Variants in GK5 observed in about 807,000 individuals in gnomAD.
GK5 encodes ATP:glycerol 3-phosphotransferase 5.
A neutral mutation model predicts 77.3 loss-of-function variants in GK5; 39 were observed. The observed-to-expected ratio is 0.50, with a 90% CI of 0.39 to 0.66. GK5 has a LOEUF of 0.66. Among genes scored for constraint, GK5 ranks in the 30% least tolerant of loss-of-function variants. GK5 has a pLI of 0.00. For missense variants in GK5, 487 were observed against 633.8 expected, an observed-to-expected ratio of 0.77 and a Z score of 2.49; for synonymous variants, 211 against 208.0, an observed-to-expected ratio of 1.01 and a Z score of -0.13.
At chr3:142,206,177 G>A (rs2064103440) in intron 3 of GK5, among the ~76,000 whole-genome samples, 1 of 152,074 alleles carries the variant, frequency 6.6e-6, no homozygotes, top group African/African-American at 2.4e-5. Flanking sequence ...GTACACACTT[G>A]GGTTGTTTGT....
chr3:142,177,711 C>T lies in GK5; in HGVS notation c.1049-135G>A, dbSNP rs73872591. ...TGAATATAATGTAAAAGATTGCTCA[C>T]TTAAAAGGGTCAGCACAAAGACCAT... On this transcript the variant is annotated intron_variant, in intron 11 of 15. Coordinates refer to ENST00000392993, the MANE Select transcript of GK5 (RefSeq NM_001039547.3). The T allele has an allele frequency of 9.4e-3, 5,916 of 627,590 alleles. 270 individuals carry two copies. In the African/African-American group the frequency reaches 0.096, roughly 10 times the overall value. The allele number at this position is 627,590 out of a possible 1,614,324, so 38.9% of individuals were successfully genotyped here.
intron 15 of GK5, among the ~76,000 whole-genome samples, chr3:142,167,880 C>T (rs535702257): frequency 6.6e-5 from 10 of 152,254 alleles, no homozygotes; most frequent in African/African-American, 2.2e-4. Flanking sequence ...GGCATGGTGG[C>T]GGGTGCCTGC....
At chr3:142,208,490 A>G (rs2064143708) in intron 3 of GK5, among the ~76,000 whole-genome samples, 1 of 152,194 alleles carries the variant, frequency 6.6e-6, no homozygotes, top group Admixed American at 6.5e-5. Flanking sequence ...TAAGGGTCCA[A>G]TTTAATTCTT....
Position 142,213,711 on chromosome 3 carries a change from G to A in GK5, c.242-110C>T, listed in dbSNP as rs189636389. On this transcript the variant is annotated intron_variant, in intron 2 of 15. Coordinates refer to ENST00000392993, the MANE Select transcript of GK5 (RefSeq NM_001039547.3). ...ATATAATCTTTAAGAAAAATACCTGGGTTTAGCATTCTAACAAAACAACTG... is the reference window on the plus strand; with the variant it reads ...ATATAATCTTTAAGAAAAATACCTGAGTTTAGCATTCTAACAAAACAACTG... 1,831 of 645,236 alleles carry A rather than the reference G, an allele frequency of 2.8e-3. 10 individuals are homozygous for A. The highest frequency in any genetic ancestry group is 4.3e-3 in the Admixed American group (164 of 38,414). 40.0% of individuals were successfully genotyped at this position (645,236 alleles called of 1,614,324 possible).
At position 142,225,366 on chromosome 3, in the gene GK5, C is replaced by A. The variant is rs765580160; in HGVS notation, c.90G>T (p.Val30=). 1.3e-6 allele frequency: 2 copies of A among 1,584,638 alleles called. No homozygotes were observed. The highest frequency in any genetic ancestry group is 2.3e-5 in the South Asian group (2 of 86,408). Residue 30 remains valine, a synonymous_variant, in exon 1 of 16, where the codon GTG becomes GTT. Coordinates refer to ENST00000392993, the MANE Select transcript of GK5 (RefSeq NM_001039547.3). ...CCCGGTCATAGACGTGGCAGCGGAT[C>A]ACAGAACTGCCCACATCCAGCCCCA... ...FVLGLDVGSS[V]IRCHVYDRAA... is the part of the protein sequence containing the mutation.
chr3:142,181,084 A>G (rs1365602589), intron 11 of GK5, among the ~76,000 whole-genome samples: 1 of 152,204 alleles, frequency 6.6e-6, no homozygotes, highest in South Asian at 2.1e-4. Context: ...ACAGCATTTC[A>G]TTATAGTCAT....
chr3:142,196,226 TTGTC>T (rs2063931334), intron 5 of GK5, among the ~76,000 whole-genome samples: 3 of 152,234 alleles, frequency 2.0e-5, no homozygotes, highest in South Asian at 2.1e-4. Context: ...TCTCTCGTCT[TTGTC>T]AGTTTAGCTA....
At chr3:142,223,196 A>C (rs1436564592) in intron 1 of GK5, among the ~76,000 whole-genome samples, 1 of 152,216 alleles carries the variant, frequency 6.6e-6, no homozygotes, top group Non-Finnish European at 1.5e-5. Flanking sequence ...ATCTGCCCCA[A>C]ATTATATATT....
chr3:142,199,971 T>G (rs1316600720), intron 4 of GK5, among the ~76,000 whole-genome samples: 1 of 152,108 alleles, frequency 6.6e-6, no homozygotes, highest in Non-Finnish European at 1.5e-5. Context: ...ATAAATTTTT[T>G]TCTTTCATTT....
At chr3:142,193,648 T>C (rs566188786) in intron 5 of GK5, among the ~76,000 whole-genome samples, 1 of 152,196 alleles carries the variant, frequency 6.6e-6, no homozygotes, top group Admixed American at 6.5e-5. Context: ...TATTCAACAA[T>C]GTTTTGTACT....
chr3:142,165,705 T>C lies in GK5; in HGVS notation c.1507A>G (p.Lys503Glu). 1 of 1,613,372 alleles carries C rather than the reference T, an allele frequency of 6.2e-7. No homozygotes were observed. The change falls in exon 16 of 16, where the codon AAG becomes GAG. Residue 503 changes from lysine (K) to glutamate (E), a missense_variant. Transcript: ENST00000392993. ...CTCATTTCATATTCTTGACATTTCTTCTGTGGCTTGAAAACCACTTCACTT... is the reference window on the plus strand; with the variant it reads ...CTCATTTCATATTCTTGACATTTCTCCTGTGGCTTGAAAACCACTTCACTT... ...RQSEVVFKPQ[K>E]KCQEYEMSLE...
chr3:142,186,095 T>C, intron 8 of GK5, 99 bp downstream of exon 8: 1 of 1,152,448 alleles, frequency 8.7e-7, no homozygotes, highest in Non-Finnish European at 1.3e-6. Context: ...ATAATGAACA[T>C]ACAAGTCCTT....
At chr3:142,221,827 A>G (rs1254230418) in intron 1 of GK5, among the ~76,000 whole-genome samples, 4 of 152,242 alleles carry the variant, frequency 2.6e-5, no homozygotes, top group African/African-American at 9.6e-5. Flanking sequence ...AATACAAATT[A>G]CAGAAAAAAG....
intron 12 of GK5, among the ~76,000 whole-genome samples, chr3:142,176,255 AT>A (rs139416289): frequency 7.9e-5 from 12 of 151,536 alleles, no homozygotes; most frequent in African/African-American, 2.7e-4. Context: ...CCCTGACCTA[AT>A]TTTTTTTTCT....
rs751997271 is a variant in GK5 at position 142,187,699 on chromosome 3, T to C, written c.619+5A>G. 4.7e-5 allele frequency: 75 copies of C among 1,595,770 alleles called. No homozygotes were observed. Among genetic ancestry groups the C allele is most frequent in the Non-Finnish European group, 6.2e-5 (72 of 1,166,726 alleles). On this transcript the variant is annotated splice_donor_5th_base_variant and intron_variant, in intron 6 of 15. Transcript: ENST00000392993. ...TTTAAAATAGATCTTTCAGGTCATC[T>C]TTACCTTTTGTGAGCTTATATAACA... is the stretch of plus-strand genomic sequence containing the variant.
intron 9 of GK5, among the ~76,000 whole-genome samples, chr3:142,183,966 T>G (rs769679934): frequency 4.6e-5 from 7 of 151,478 alleles, no homozygotes; most frequent in African/African-American, 7.3e-5. Flanking sequence ...ATCTTAGAAA[T>G]GAAGGTAAGA....
In GK5 at chr3:142,199,073, A is replaced by C. The variant is rs2063978982; in HGVS notation, c.412-140T>G. ...TAGTGTTTTCTGCAATTAAGAAAAT[A>C]AAAAACAGCAATATTATCCTAAATG... On this transcript the variant is annotated intron_variant, in intron 4 of 15. Transcript: ENST00000392993. The C allele has an allele frequency of 5.5e-6, 3 of 548,680 alleles. No homozygotes were observed. The South Asian group carries it at 1.0e-4, about 19-fold the overall frequency. 34.0% of individuals were successfully genotyped at this position (548,680 alleles called of 1,614,324 possible).
intron 12 of GK5, among the ~76,000 whole-genome samples, chr3:142,175,533 T>C (rs547787441): frequency 2.6e-5 from 4 of 152,248 alleles, no homozygotes; most frequent in Non-Finnish European, 5.9e-5. Context: ...TCTCTAGTTG[T>C]TCACATAGGC....
At chr3:142,207,083 G>A (rs1457794182) in intron 3 of GK5, among the ~76,000 whole-genome samples, 5 of 152,206 alleles carry the variant, frequency 3.3e-5, no homozygotes, top group Admixed American at 3.3e-4. Context: ...AGCGGGTGAT[G>A]TGCTTCCCCC....
Sources: allele counts gnomAD v4.1 joint callset (sites outside exome capture counted in the v4.1 genomes callset), GRCh38; gene constraint gnomAD v4.1.1; transcripts MANE v1.5; gene names NCBI Gene and HGNC (gene_info 2026-07-23, HGNC 2026-07-21).